The following CELF2 variants were observed in gnomAD, a reference collection of about 807,000 sequenced individuals.
CELF2 encodes the protein CUG triplet repeat RNA-binding protein 2.
A neutral mutation model predicts 62.6 loss-of-function variants in CELF2; 8 were observed. The observed-to-expected ratio is 0.13, with a 90% CI of 0.07 to 0.23. The LOEUF (loss-of-function observed/expected upper bound fraction) is 0.23, where lower values mean the gene tolerates loss of function less well. Among genes scored for constraint, CELF2 ranks in the 10% least tolerant of loss-of-function variants. The pLI is 1.00. For missense variants in CELF2, 333 were observed against 671.0 expected (o/e 0.50, Z 5.56); for synonymous variants, 258 against 250.0 (o/e 1.03, Z -0.30).
At chr10:11,308,482 A>G (rs995599949) in intron 9 of CELF2, among the ~76,000 whole-genome samples, 1 of 152,146 alleles carries the variant, frequency 6.6e-6, no homozygotes, top group Non-Finnish European at 1.5e-5. Flanking sequence ...AATCTCTATC[A>G]GTATATCTTC....
chr10:10,752,806 A>AC, the CELF2 span, among the ~76,000 whole-genome samples: 2 of 149,714 alleles, frequency 1.3e-5, no homozygotes, highest in African/African-American at 4.9e-5. Flanking sequence ...CGGTAGTAAA[A>AC]AAAAAAAAAA....
the CELF2 span, among the ~76,000 whole-genome samples, chr10:10,570,844 A>G: frequency 6.6e-6 from 1 of 152,154 alleles, no homozygotes; most frequent in Non-Finnish European, 1.5e-5. Flanking sequence ...AAGAGCATGC[A>G]GGAAATGGTG....
the CELF2 span, among the ~76,000 whole-genome samples, chr10:10,724,464 G>A: frequency 6.6e-6 from 1 of 151,942 alleles, no homozygotes; most frequent in African/African-American, 2.4e-5. Flanking sequence ...GACCAGCCTG[G>A]CCAACATGAT....
chr10:11,218,027 G>T (rs1003185057), intron 3 of CELF2, among the ~76,000 whole-genome samples: 1 of 152,162 alleles, frequency 6.6e-6, no homozygotes, highest in Non-Finnish European at 1.5e-5. Context: ...GTTGATATAG[G>T]ACAGAAAATA....
At chr10:11,198,291 C>T (rs942686460) in intron 2 of CELF2, among the ~76,000 whole-genome samples, 5 of 152,198 alleles carry the variant, frequency 3.3e-5, no homozygotes, top group African/African-American at 1.2e-4. Context: ...AATGCAGTGA[C>T]TGATAAAAAC....
intron 2 of CELF2, among the ~76,000 whole-genome samples, chr10:11,192,109 G>A (rs2076410273): frequency 6.6e-6 from 1 of 152,228 alleles, no homozygotes; most frequent in Non-Finnish European, 1.5e-5. Flanking sequence ...CTGCTCAGCT[G>A]TGCACCCCTA....
chr10:10,563,565 G>C, the CELF2 span, among the ~76,000 whole-genome samples: 1 of 144,678 alleles, frequency 6.9e-6, no homozygotes, highest in South Asian at 2.2e-4. Context: ...CCAAGATTGC[G>C]CCACTGCACT....
Position 11,012,694 on chromosome 10 carries a change from A to G in CELF2, c.53+7254A>G, listed in dbSNP as rs915055249. Among the ~76,000 whole-genome samples the G allele has an allele frequency of 6.6e-6, 1 of 152,186 alleles. No individual in the cohort carries two copies. Among genetic ancestry groups the G allele is most frequent in the Non-Finnish European group, 1.5e-5 (1 of 68,028 alleles). On this transcript the variant is annotated intron_variant, in intron 1 of 12. Coordinates refer to the CELF2 transcript ENST00000416382. This position sits in a 1 kb window ranked among gnomAD's most constrained non-coding sequence, Gnocchi z 5.5. ...GACAGTAAGACAAGAACTTCTGACC[A>G]GTTGGGGAAAACATGTCGTCGGGGT...
At chr10:10,747,481 C>T in the CELF2 span, among the ~76,000 whole-genome samples, 37 of 152,200 alleles carry the variant, frequency 2.4e-4, no homozygotes, top group African/African-American at 8.2e-4. Flanking sequence ...TGGAGGCTGA[C>T]GGAAGGCGGC....
the CELF2 span, among the ~76,000 whole-genome samples, chr10:10,578,069 G>A: frequency 5.9e-5 from 9 of 152,136 alleles, no homozygotes; most frequent in African/African-American, 2.2e-4. Flanking sequence ...GTGTGAGATG[G>A]TATCTCATTG....
At chr10:11,169,674 C>A (rs1275661860) in intron 2 of CELF2, among the ~76,000 whole-genome samples, 1 of 152,180 alleles carries the variant, frequency 6.6e-6, no homozygotes, top group Admixed American at 6.5e-5. Context: ...TCTCGAGACT[C>A]TAGGAATATT....
chr10:10,950,557 C>T (rs1361902218), intron 2 of CELF2, among the ~76,000 whole-genome samples: 3 of 152,138 alleles, frequency 2.0e-5, no homozygotes, highest in African/African-American at 7.2e-5. Context: ...GACTGCCTCA[C>T]TCAGGGACAT....
At chr10:10,790,978 AC>A in the CELF2 span, among the ~76,000 whole-genome samples, 1 of 151,904 alleles carries the variant, frequency 6.6e-6, no homozygotes, top group Non-Finnish European at 1.5e-5. Context: ...TAGTTTCCTC[AC>A]CTATAAAATG....
At chr10:10,867,274 G>T (rs1005114263) in intron 1 of CELF2, among the ~76,000 whole-genome samples, 9 of 152,196 alleles carry the variant, frequency 5.9e-5, no homozygotes, top group African/African-American at 2.2e-4. Flanking sequence ...GCCAGCTCCA[G>T]CACACCATTG....
At chr10:10,582,596 A>T in the CELF2 span, among the ~76,000 whole-genome samples, 57,555 of 152,028 alleles carry the variant, frequency 0.38, 12,298 homozygotes, top group East Asian at 0.6. Flanking sequence ...GCATGTAATG[A>T]GTAATTTCCT....
intron 1 of CELF2, among the ~76,000 whole-genome samples, chr10:11,041,573 A>G (rs955299579): frequency 6.6e-6 from 1 of 152,242 alleles, no homozygotes; most frequent in African/African-American, 2.4e-5. Context: ...TCAGGGTGGT[A>G]AGACTTCGTA....
chr10:11,226,105 C>T (rs1370441021), intron 3 of CELF2, among the ~76,000 whole-genome samples: 1 of 152,186 alleles, frequency 6.6e-6, no homozygotes, highest in Non-Finnish European at 1.5e-5. Context: ...CAGCACAGCA[C>T]AACGGGAACA....
At chr10:11,182,003 GAAGT>G in intron 2 of CELF2, among the ~76,000 whole-genome samples, 1 of 152,328 alleles carries the variant, frequency 6.6e-6, no homozygotes, top group East Asian at 1.9e-4. Context: ...TGAAGCAATG[GAAGT>G]AAGAGAATCA....
At chr10:10,748,562 C>T in the CELF2 span, among the ~76,000 whole-genome samples, 1 of 151,724 alleles carries the variant, frequency 6.6e-6, no homozygotes, top group East Asian at 1.9e-4. Context: ...TCCTGGCTAG[C>T]ACAGTGAAAC....
Sources: allele counts gnomAD v4.1 joint callset (sites outside exome capture counted in the v4.1 genomes callset), GRCh38; gene constraint gnomAD v4.1.1; non-coding constraint Gnocchi (gnomAD v3.1); transcripts MANE v1.5; gene names NCBI Gene and HGNC (gene_info 2026-07-23, HGNC 2026-07-21).